The following HTT variants were observed in gnomAD, a reference collection of about 807,000 sequenced individuals.
HTT encodes huntington disease protein.
A neutral mutation model predicts 362.3 loss-of-function variants in HTT; 104 were observed. The ratio of observed to expected loss-of-function variants is 0.29; its 90% CI spans 0.24 to 0.34. The LOEUF is 0.34. Among genes scored for constraint, HTT ranks in the 10% least tolerant of loss-of-function variants. The probability of loss-of-function intolerance (pLI) is 1.00; values close to 1 mark genes in which losing one functional copy is unlikely to be tolerated. For synonymous variants in HTT, 1,577 were observed against 1,548.7 expected, an observed-to-expected ratio of 1.02 and a Z score of -0.43; for missense variants, 3,301 against 3,928.6, an observed-to-expected ratio of 0.84 and a Z score of 4.27.
In HTT at chr4:3,109,055, TA is replaced by T. The variant is rs775688422; in HGVS notation, c.747+1644del. Among the ~76,000 whole-genome samples, 776 of 125,398 alleles carry T rather than the reference TA, an allele frequency of 6.2e-3. 2 individuals carry two copies. The highest frequency in any genetic ancestry group is 0.011 in the African/African-American group (380 of 34,226). 82.3% of individuals were successfully genotyped at this position (125,398 alleles called of 152,430 possible). On this transcript the variant is annotated intron_variant, in intron 6 of 66. Coordinates refer to ENST00000355072, the MANE Select transcript of HTT (RefSeq NM_001388492.1). ...GGTGGTAAAACAAGATGCCATTTCT[TA>T]AAAAAAAAAAATATATATATATATA...
intron 8 of HTT, among the ~76,000 whole-genome samples, chr4:3,116,721 G>A (rs965764020): frequency 1.3e-5 from 2 of 152,196 alleles, no homozygotes; most frequent in African/African-American, 2.4e-5. Flanking sequence ...GGACGTGGTC[G>A]TTTGGGGTGT....
rs1393983248 is a variant in HTT at position 3,207,288 on chromosome 4, T to C, written c.6083T>C (p.Met2028Thr). The C allele has an allele frequency of 3.1e-6, 5 of 1,613,922 alleles. No homozygotes were observed. The highest frequency in any genetic ancestry group is 1.3e-5 in the African/African-American group (1 of 75,060). Residue 2028 changes from methionine to threonine, a missense_variant, in exon 45 of 67, where the codon ATG (methionine) becomes ACG (threonine). By Grantham distance (81) the Met-to-Thr change is moderately conservative. Around this residue, in one of 4 missense-constraint regions of HTT, gnomAD observed 2,316 missense variants for 2,658.5 expected, o/e 0.87. Coordinates refer to ENST00000355072, the MANE Select transcript of HTT (RefSeq NM_001388492.1). ...MLLAANLQSS[M>T]AQLPMEELNR... is the part of the protein sequence containing the mutation. ...TGTGTTTTTGTCTATTAGAGCAGCA[T>C]GGCCCAGTTGCCAATGGAAGAACTC...
At chr4:3,097,989 AT>A (rs1223771444) in intron 2 of HTT, among the ~76,000 whole-genome samples, 2 of 152,256 alleles carry the variant, frequency 1.3e-5, no homozygotes, top group Non-Finnish European at 2.9e-5. Context: ...ATTTCTTCAC[AT>A]TAATTACATG....
chr4:3,112,656 A>G (rs1018036050), intron 6 of HTT, among the ~76,000 whole-genome samples: 10 of 152,168 alleles, frequency 6.6e-5, no homozygotes, highest in African/African-American at 1.9e-4. Flanking sequence ...TATTCATTGT[A>G]TTATCACTGG....
chr4:3,223,455 C>T lies in HTT; in HGVS notation c.7520C>T (p.Thr2507Ile). The T allele has an allele frequency of 6.2e-7, 1 of 1,613,172 alleles. No homozygotes were observed. Reference sequence around the variant, plus strand: ...AACGTCCTGGCCGTGCAGGCCATCACCTCACTGGTGCTCAGTGCAATGACT... The same window carrying T: ...AACGTCCTGGCCGTGCAGGCCATCATCTCACTGGTGCTCAGTGCAATGACT... ...QINVLAVQAI[T>I]SLVLSAMTVP... is the part of the protein sequence containing the mutation. Residue 2507 changes from threonine (T) to isoleucine (I), a missense_variant, in exon 55 of 67, where the codon ACC becomes ATC. By Grantham distance (89) the Thr-to-Ile change is moderately conservative. Coordinates refer to ENST00000355072, the MANE Select transcript of HTT (RefSeq NM_001388492.1).
At chr4:3,133,012 T>C (rs1306812500) in intron 18 of HTT, 101 bp downstream of exon 18, 4 of 900,390 alleles carry the variant, frequency 4.4e-6, no homozygotes, top group Non-Finnish European at 7.5e-6. Context: ...CCATGCACTC[T>C]AAAGCTGTAA....
At position 3,140,561 on chromosome 4, in the gene HTT, A is replaced by G. The variant is rs1246509030; in HGVS notation, c.2850A>G (p.Val950=). ...YKCDQGQADP[V]VAVARDQSSV... ...GTGACCAAGGACAAGCTGATCCAGT[A>G]GTGGCCGTGGCAAGAGATCAAAGCA... The change falls in exon 22 of 67, where the codon GTA becomes GTG. Residue 950 remains valine (V), a synonymous_variant. Coordinates refer to ENST00000355072, the MANE Select transcript of HTT (RefSeq NM_001388492.1). 3 of 1,614,114 alleles carry G rather than the reference A, an allele frequency of 1.9e-6. No homozygotes were observed.
At chr4:3,230,801 C>T (rs1721213733) in intron 60 of HTT, among the ~76,000 whole-genome samples, 1 of 152,096 alleles carries the variant, frequency 6.6e-6, no homozygotes, top group Admixed American at 6.5e-5. Context: ...CAAGGGCTCT[C>T]CCATCATGAC....
At chr4:3,225,579 G>A in intron 56 of HTT, 82 bp from the exon 57 acceptor site, 2 of 1,280,166 alleles carry the variant, frequency 1.6e-6, no homozygotes. Context: ...TGCCTGTCTG[G>A]GCAGGAGCTG....
At position 3,107,382 on chromosome 4, in the gene HTT, A is replaced by G. The variant is rs768084535; in HGVS notation, c.706A>G (p.Met236Val). The change falls in exon 6 of 67, where the codon ATG (methionine) becomes GTG (valine). Residue 236 changes from methionine (M) to valine (V), a missense_variant. Met to Val is a conservative substitution (Grantham distance 21). Around this residue, in one of 4 missense-constraint regions of HTT, gnomAD observed 2,316 missense variants for 2,658.5 expected, o/e 0.87. Coordinates refer to ENST00000355072, the MANE Select transcript of HTT (RefSeq NM_001388492.1). ...ETLAAAVPKI[M>V]ASFGNFANDN... is the part of the protein sequence containing the mutation. ...CTTGGCTGCAGCTGTTCCCAAAATT[A>G]TGGCTTCTTTTGGCAATTTTGCAAA... is the stretch of plus-strand genomic sequence containing the variant. 2.0e-5 allele frequency: 32 copies of G among 1,614,098 alleles called. No homozygotes were observed. Among genetic ancestry groups the G allele is most frequent in the Non-Finnish European group, 2.7e-5 (32 of 1,180,046 alleles).
At chr4:3,208,450 G>A (rs554372586) in intron 45 of HTT, among the ~76,000 whole-genome samples, 1 of 152,288 alleles carries the variant, frequency 6.6e-6, no homozygotes, top group Non-Finnish European at 1.5e-5. Context: ...TATTAAGAAA[G>A]CCTTTATTAG....
intron 29 of HTT, among the ~76,000 whole-genome samples, chr4:3,171,286 A>G (rs1717958523): frequency 6.6e-6 from 1 of 152,130 alleles, no homozygotes; most frequent in Non-Finnish European, 1.5e-5. Flanking sequence ...AGTAGAGGAT[A>G]TTTTGTTAAA....
At chr4:3,135,880 T>C in intron 19 of HTT, 24 bp from the exon 20 acceptor site, 2 of 1,578,030 alleles carry the variant, frequency 1.3e-6, no homozygotes, top group South Asian at 1.2e-5. Flanking sequence ...AATGATTTCA[T>C]TGTTAAATGT....
At chr4:3,179,968 T>C (rs1297618932) in intron 35 of HTT, among the ~76,000 whole-genome samples, 3 of 152,220 alleles carry the variant, frequency 2.0e-5, no homozygotes, top group South Asian at 2.1e-4. Context: ...GCATTTCTTA[T>C]ATTTTTTTAT....
At chr4:3,109,140 C>T (rs958923657) in intron 6 of HTT, among the ~76,000 whole-genome samples, 7 of 151,914 alleles carry the variant, frequency 4.6e-5, no homozygotes, top group Non-Finnish European at 8.8e-5. Context: ...AGTTCCCTTC[C>T]TACTTTTTCT....
intron 52 of HTT, 146 bp from the exon 53 acceptor site, chr4:3,220,036 T>C: frequency 1.2e-6 from 1 of 842,184 alleles, no homozygotes; most frequent in East Asian, 2.5e-5. Flanking sequence ...TTGGAGCTGT[T>C]TTCTGGGGGA....
intron 3 of HTT, among the ~76,000 whole-genome samples, chr4:3,103,118 G>A (rs1176935212): frequency 1.3e-5 from 2 of 151,666 alleles, no homozygotes; most frequent in African/African-American, 4.8e-5. Flanking sequence ...CCAGGGTGCC[G>A]TCTGAGCCCG....
At chr4:3,208,656 AAT>A (rs1719984493) in intron 45 of HTT, 115 bp from the exon 46 acceptor site, 7 of 944,296 alleles carry the variant, frequency 7.4e-6, no homozygotes, top group Non-Finnish European at 1.1e-5. Context: ...AGAAGCCACT[AAT>A]AGTGCATCTC....
At chr4:3,222,333 C>T (rs1032792918) in intron 53 of HTT, 54 bp from the exon 54 acceptor site, 43 of 1,496,080 alleles carry the variant, frequency 2.9e-5, no homozygotes, top group Non-Finnish European at 1.6e-5. Context: ...GTCAGCTCTC[C>T]GTTACAGGCT....
Sources: allele counts gnomAD v4.1 joint callset (sites outside exome capture counted in the v4.1 genomes callset), GRCh38; gene constraint gnomAD v4.1.1; regional missense constraint gnomAD v4.1.1; transcripts MANE v1.5; gene names NCBI Gene and HGNC (gene_info 2026-07-23, HGNC 2026-07-21).